The following VPS13B variants were observed in gnomAD, a reference collection of about 807,000 sequenced individuals.
VPS13B encodes the protein vacuolar protein sorting 13 homolog B.
Under a neutral mutation model 426.4 loss-of-function variants are expected in VPS13B, and 285 were observed. That is an observed-to-expected ratio of 0.67 (90% CI 0.61 to 0.74). VPS13B has a LOEUF of 0.74. VPS13B is among the 30% of genes least tolerant of loss of function. The probability of loss-of-function intolerance (pLI) is 0.00; values close to 1 mark genes in which losing one functional copy is unlikely to be tolerated. For missense variants in VPS13B, 4,537 were observed against 4,782.6 expected, an observed-to-expected ratio of 0.95 and a Z score of 1.51; for synonymous variants, 1,676 against 1,676.4, an observed-to-expected ratio of 1.00 and a Z score of 0.01.
At chr8:99,627,486 G>T (rs968807507) in intron 33 of VPS13B, among the ~76,000 whole-genome samples, 1 of 152,214 alleles carries the variant, frequency 6.6e-6, no homozygotes, top group South Asian at 2.1e-4. Context: ...TGCAATCTCA[G>T]CTCACTGCAA....
intron 16 of VPS13B, among the ~76,000 whole-genome samples, chr8:99,177,809 T>C (rs1812716454): frequency 6.6e-6 from 1 of 152,242 alleles, no homozygotes; most frequent in African/African-American, 2.4e-5. Flanking sequence ...TATTGGAGAA[T>C]ATTTCTACAT....
intron 23 of VPS13B, among the ~76,000 whole-genome samples, chr8:99,453,001 T>C (rs1025525831): frequency 3.3e-5 from 5 of 152,230 alleles, no homozygotes; most frequent in Admixed American, 3.3e-4. Flanking sequence ...TTTTTTCTTC[T>C]TTGAATGAGT....
At chr8:99,481,550 A>C in intron 24 of VPS13B, 49 bp from the exon 25 acceptor site, 1 of 1,577,898 alleles carries the variant, frequency 6.3e-7, no homozygotes, top group Non-Finnish European at 8.7e-7. Flanking sequence ...GTGGATTGAA[A>C]CTGGAAGTTG....
rs537883245 is a variant in VPS13B at position 99,086,466 on chromosome 8, G to A, written c.292-9846G>A. 1.7e-3 allele frequency among the ~76,000 whole-genome samples: 265 copies of A among 152,296 alleles called. 3 individuals carry two copies. Among genetic ancestry groups the A allele is most frequent in the Non-Finnish European group, 3.3e-3 (224 of 67,996 alleles). ...AGCCTTCTTCTCTCAAATCGTCAAA[G>A]TCATTGTCCGTCCAGCTTTGTTCCA... On this transcript the variant is annotated intron_variant, in intron 3 of 61. Coordinates refer to ENST00000357162, the MANE Select transcript of VPS13B (RefSeq NM_152564.5).
At position 99,438,918 on chromosome 8, in the gene VPS13B, C is replaced by T. The variant is rs902022457; in HGVS notation, c.3211-3483C>T. 4.6e-5 allele frequency among the ~76,000 whole-genome samples: 7 copies of T among 152,210 alleles called. No individual in the cohort carries two copies. In the East Asian group the frequency reaches 5.8e-4, roughly 13 times the overall value. ...ATGAGGCTAATAATATATGGGATCT[C>T]GCCTATAGGAGAGACTTGGTGTTGT... On this transcript the variant is annotated intron_variant, in intron 22 of 61. Coordinates refer to ENST00000357162, the MANE Select transcript of VPS13B (RefSeq NM_152564.5).
intron 22 of VPS13B, among the ~76,000 whole-genome samples, chr8:99,436,864 G>T (rs879493238): frequency 6.6e-6 from 1 of 151,808 alleles, no homozygotes; most frequent in Non-Finnish European, 1.5e-5. Flanking sequence ...TCAGCCTCCC[G>T]AGTAGCTGGG....
intron 17 of VPS13B, among the ~76,000 whole-genome samples, chr8:99,212,712 A>C (rs1475185673): frequency 1.3e-5 from 2 of 152,098 alleles, no homozygotes; most frequent in East Asian, 3.9e-4. Flanking sequence ...ATCATGAAGA[A>C]TCTTAAGTGA....
chr8:99,689,007 A>G (rs1451602297), intron 35 of VPS13B, among the ~76,000 whole-genome samples: 2 of 152,050 alleles, frequency 1.3e-5, no homozygotes, highest in Non-Finnish European at 2.9e-5. Context: ...TGTAACTTAA[A>G]TGACCTTGGG....
chr8:99,483,663 TCCATTA>T (rs1820158207), intron 25 of VPS13B, among the ~76,000 whole-genome samples: 4 of 152,266 alleles, frequency 2.6e-5, no homozygotes, highest in Admixed American at 2.6e-4. Context: ...AGGAGAGTGT[TCCATTA>T]AACAGTTGTT....
At chr8:99,850,552 T>G (rs1816237277) in intron 55 of VPS13B, among the ~76,000 whole-genome samples, 1 of 152,166 alleles carries the variant, frequency 6.6e-6, no homozygotes, top group Non-Finnish European at 1.5e-5. Context: ...TAGCATTTAT[T>G]TTATGATCAG....
At position 99,341,925 on chromosome 8, in the gene VPS13B, G is replaced by A. The variant is rs184041985; in HGVS notation, c.2825-42283G>A. ...TGGACAGCGCAGACACAAGGCTCCC[G>A]ACTGGGGCTGGGAGAGTTTTCCATT... On this transcript the variant is annotated intron_variant, in intron 19 of 61. Transcript: ENST00000357162. 6.3e-3 allele frequency among the ~76,000 whole-genome samples: 962 copies of A among 152,286 alleles called. 7 individuals carry two copies. Among genetic ancestry groups the A allele is most frequent in the African/African-American group, 0.022 (894 of 41,556 alleles).
At chr8:99,752,356 A>T (rs1810438842) in intron 39 of VPS13B, among the ~76,000 whole-genome samples, 1 of 152,202 alleles carries the variant, frequency 6.6e-6, no homozygotes, top group Non-Finnish European at 1.5e-5. Flanking sequence ...TAATCAAGGG[A>T]TCAGCAGCAA....
At chr8:99,509,657 G>A (rs1331569826) in intron 28 of VPS13B, among the ~76,000 whole-genome samples, 1 of 151,950 alleles carries the variant, frequency 6.6e-6, no homozygotes, top group Non-Finnish European at 1.5e-5. Flanking sequence ...TTCTGTTTAT[G>A]TGAATATATT....
chr8:99,326,636 C>A (rs567972776), intron 19 of VPS13B, among the ~76,000 whole-genome samples: 1 of 151,422 alleles, frequency 6.6e-6, no homozygotes, highest in South Asian at 2.1e-4. Context: ...AGAGCTCAAG[C>A]GATCTGCCCA....
chr8:99,724,668 G>A (rs1009984295), intron 39 of VPS13B, among the ~76,000 whole-genome samples: 4 of 152,044 alleles, frequency 2.6e-5, no homozygotes, highest in African/African-American at 7.2e-5. Context: ...ATTACACATA[G>A]TGAGCTCTTA....
chr8:99,622,261 A>G (rs958126060), intron 33 of VPS13B, among the ~76,000 whole-genome samples: 1 of 152,140 alleles, frequency 6.6e-6, no homozygotes, highest in Non-Finnish European at 1.5e-5. Context: ...TATTTTCTCC[A>G]GTTTATGTTG....
At chr8:99,275,384 G>C in intron 19 of VPS13B, 130 bp downstream of exon 19, 1 of 812,936 alleles carries the variant, frequency 1.2e-6, no homozygotes, top group Non-Finnish European at 1.8e-6. Flanking sequence ...CTGCAGTTGT[G>C]CTTTTTCAAA....
intron 56 of VPS13B, among the ~76,000 whole-genome samples, chr8:99,856,142 A>G (rs1477269881): frequency 2.0e-5 from 3 of 152,346 alleles, no homozygotes; most frequent in South Asian, 4.2e-4. Context: ...GTTTTGGTTT[A>G]TATTTTTAAT....
At chr8:99,484,496 G>T (rs1167112470) in intron 25 of VPS13B, among the ~76,000 whole-genome samples, 2 of 152,064 alleles carry the variant, frequency 1.3e-5, no homozygotes, top group Non-Finnish European at 2.9e-5. Context: ...AAGATTATTT[G>T]CTGAGAAGTA....
Sources: allele counts gnomAD v4.1 joint callset (sites outside exome capture counted in the v4.1 genomes callset), GRCh38; gene constraint gnomAD v4.1.1; transcripts MANE v1.5; gene names NCBI Gene and HGNC (gene_info 2026-07-23, HGNC 2026-07-21).